Variants in PKN2 observed in about 807,000 individuals in gnomAD.
PKN2 encodes serine/threonine-protein kinase N2.
Under a neutral mutation model 119.1 loss-of-function variants are expected in PKN2, and 38 were observed. The ratio of observed to expected loss-of-function variants is 0.32; its 90% CI spans 0.25 to 0.42. The LOEUF is 0.42. Among genes scored for constraint, PKN2 ranks in the 10% least tolerant of loss-of-function variants. The pLI, the probability that PKN2 is intolerant of heterozygous loss-of-function variation, is 1.00. For missense variants in PKN2, 850 were observed against 1,165.1 expected (o/e 0.73, Z 3.94); for synonymous variants, 390 against 384.9 (o/e 1.01, Z -0.15).
chr1:88,809,719 T>C (rs1671702993), intron 15 of PKN2, among the ~76,000 whole-genome samples: 1 of 152,176 alleles, frequency 6.6e-6, no homozygotes, highest in Non-Finnish European at 1.5e-5. Flanking sequence ...ATTCCTGGGC[T>C]CAAGCCATCC....
chr1:88,767,712 C>A (rs1429785112), intron 3 of PKN2, among the ~76,000 whole-genome samples: 1 of 152,136 alleles, frequency 6.6e-6, no homozygotes, highest in East Asian at 1.9e-4. Flanking sequence ...TGCTAAATGA[C>A]TGACTTTGGG....
intron 4 of PKN2, among the ~76,000 whole-genome samples, chr1:88,770,789 T>G (rs543748246): frequency 1.3e-5 from 2 of 151,166 alleles, no homozygotes; most frequent in East Asian, 1.9e-4. Context: ...GTTTCACCGT[T>G]TTAGCCGGGA....
At chr1:88,799,618 C>T (rs1377763381) in intron 8 of PKN2, among the ~76,000 whole-genome samples, 1 of 152,190 alleles carries the variant, frequency 6.6e-6, no homozygotes, top group East Asian at 1.9e-4. Context: ...CCTTGCCTTG[C>T]CTTGCTTTTC....
intron 1 of PKN2, among the ~76,000 whole-genome samples, chr1:88,729,809 C>T (rs1668060704): frequency 6.6e-6 from 1 of 150,678 alleles, no homozygotes; most frequent in Non-Finnish European, 1.5e-5. Flanking sequence ...CAACATGTTG[C>T]CCTGCCTCCC....
intron 1 of PKN2, among the ~76,000 whole-genome samples, chr1:88,692,386 G>A (rs1035656276): frequency 1.3e-5 from 2 of 152,058 alleles, no homozygotes; most frequent in African/African-American, 4.8e-5. Flanking sequence ...TATACCTAGA[G>A]GTAGCATTGC....
intron 7 of PKN2, among the ~76,000 whole-genome samples, chr1:88,785,610 T>G (rs1670540418): frequency 6.6e-6 from 1 of 152,040 alleles, no homozygotes. Flanking sequence ...AATTCTGAAG[T>G]ATAAGCATAA....
At chr1:88,773,150 T>G (rs1047172867) in intron 6 of PKN2, among the ~76,000 whole-genome samples, 1 of 152,212 alleles carries the variant, frequency 6.6e-6, no homozygotes, top group African/African-American at 2.4e-5. Context: ...GTTTTGGTTT[T>G]GTCTTTGGGT....
chr1:88,688,381 G>A (rs1666190652), intron 1 of PKN2, among the ~76,000 whole-genome samples: 1 of 151,906 alleles, frequency 6.6e-6, no homozygotes, highest in Admixed American at 6.6e-5. Flanking sequence ...CACCATGCCC[G>A]GCGCCACTAC....
At position 88,784,832 on chromosome 1, in the gene PKN2, A is replaced by C. The variant is rs1184403955; in HGVS notation, c.1171+8A>C. The C allele has an allele frequency of 1.9e-6, 3 of 1,564,000 alleles. No individual in the cohort carries two copies. The highest frequency in any genetic ancestry group is 2.6e-6 in the Non-Finnish European group (3 of 1,150,476). On this transcript the variant is annotated splice_region_variant and intron_variant, in intron 7 of 21. Transcript: ENST00000370521. ...AAACCGATGACTTGTCCAGTTCAGT[A>C]ACCAGATTTTTAAAAATCATGTAAC...
At chr1:88,699,373 G>A (rs996366044) in intron 1 of PKN2, among the ~76,000 whole-genome samples, 1 of 151,926 alleles carries the variant, frequency 6.6e-6, no homozygotes, top group African/African-American at 2.4e-5. Context: ...TTGCGTATAG[G>A]CTAGAATTAT....
chr1:88,826,162 C>T (rs186739635), intron 18 of PKN2, among the ~76,000 whole-genome samples: 1 of 152,146 alleles, frequency 6.6e-6, no homozygotes, highest in Non-Finnish European at 1.5e-5. Context: ...CTCCTGTAAG[C>T]CCCTTAAAGA....
At chr1:88,744,075 T>C (rs888911286) in intron 2 of PKN2, among the ~76,000 whole-genome samples, 3 of 150,952 alleles carry the variant, frequency 2.0e-5, no homozygotes, top group African/African-American at 7.4e-5. Flanking sequence ...TTTTCCATTT[T>C]ACTAACTTAA....
chr1:88,687,745 G>GTAAA (rs1042803763), intron 1 of PKN2, among the ~76,000 whole-genome samples: 19 of 150,134 alleles, frequency 1.3e-4, no homozygotes, highest in African/African-American at 4.8e-4. Flanking sequence ...AAATTACAGG[G>GTAAA]GTTAATTTCA....
At chr1:88,798,785 T>A (rs1160160462) in intron 8 of PKN2, among the ~76,000 whole-genome samples, 1 of 152,160 alleles carries the variant, frequency 6.6e-6, no homozygotes, top group African/African-American at 2.4e-5. Context: ...ACTTCCAGAA[T>A]GATGACAACC....
intron 1 of PKN2, among the ~76,000 whole-genome samples, chr1:88,712,556 G>C (rs937269853): frequency 6.6e-6 from 1 of 152,028 alleles, no homozygotes; most frequent in Non-Finnish European, 1.5e-5. Context: ...ACTGTATTCT[G>C]AATTATTAAG....
intron 1 of PKN2, chr1:88,684,907 G>A (rs2100632426): frequency 2.7e-6 from 1 of 374,290 alleles, no homozygotes; most frequent in Non-Finnish European, 4.8e-6. Flanking sequence ...GCGGGAGCCT[G>A]CTCTCGCCTG....
intron 6 of PKN2, chr1:88,781,086 T>A: frequency 3.3e-6 from 4 of 1,198,278 alleles, no homozygotes; most frequent in Non-Finnish European, 4.3e-6. Flanking sequence ...AACTAAATTT[T>A]AAGTAACTAG....
At chr1:88,737,847 G>C (rs1668417814) in intron 1 of PKN2, among the ~76,000 whole-genome samples, 1 of 152,090 alleles carries the variant, frequency 6.6e-6, no homozygotes, top group South Asian at 2.1e-4. Flanking sequence ...CTTATAGTTG[G>C]GGGAGAGGTG....
intron 1 of PKN2, among the ~76,000 whole-genome samples, chr1:88,688,116 C>T (rs932087066): frequency 4.6e-5 from 7 of 151,624 alleles, no homozygotes; most frequent in Admixed American, 2.0e-4. Context: ...GACGGAGTCT[C>T]GCACTGTCAC....
Sources: gnomAD v4.1 joint callset for allele counts (sites outside exome capture counted in the v4.1 genomes callset) on GRCh38, gnomAD v4.1.1 for gene constraint, MANE v1.5 for transcripts, NCBI Gene and HGNC (gene_info 2026-07-23, HGNC 2026-07-21) for gene names.